The following ITCH variants were observed in gnomAD, a reference collection of about 807,000 sequenced individuals.
The protein encoded by ITCH is E3 ubiquitin-protein ligase Itchy homolog.
Under a neutral mutation model 126.8 loss-of-function variants are expected in ITCH, and 28 were observed. The ratio of observed to expected loss-of-function variants is 0.22; its 90% CI spans 0.16 to 0.30. The LOEUF (loss-of-function observed/expected upper bound fraction) is 0.30. ITCH is among the 10% of genes least tolerant of loss of function. The probability of loss-of-function intolerance (pLI) is 1.00; values close to 1 mark genes in which losing one functional copy is unlikely to be tolerated. For synonymous variants in ITCH, 342 were observed against 340.0 expected (o/e 1.01, Z -0.06); for missense variants, 631 against 1,032.4 (o/e 0.61, Z 5.33).
chr20:34,437,255 A>G (rs1055346521), intron 7 of ITCH, among the ~76,000 whole-genome samples: 4 of 152,174 alleles, frequency 2.6e-5, no homozygotes, highest in South Asian at 2.1e-4. Flanking sequence ...AAAATAAATC[A>G]TTGCAATACA....
chr20:34,474,844 T>C (rs1368757479), intron 16 of ITCH, among the ~76,000 whole-genome samples: 1 of 149,888 alleles, frequency 6.7e-6, no homozygotes, highest in Non-Finnish European at 1.5e-5. Context: ...GTGGAGACGC[T>C]CCTCACTTCC....
Position 34,408,773 on chromosome 20 carries a change from T to C in ITCH, c.193T>C (p.Trp65Arg), listed in dbSNP as rs1384700874. The change falls in exon 4 of 25, where the codon TGG (tryptophan) becomes CGG (arginine). Residue 65 changes from tryptophan (W) to arginine (R), a missense_variant. Trp to Arg is a moderately radical substitution (Grantham distance 101). Around this residue, in one of 4 missense-constraint regions of ITCH, gnomAD observed 220 missense variants for 265.7 expected, o/e 0.83. Coordinates refer to ENST00000374864, the MANE Select transcript of ITCH (RefSeq NM_031483.7). ...EKCNNTNSPK[W>R]KQPLTVIVTP... Reference sequence around the variant, plus strand: ...ATGCAACAACACAAACAGTCCCAAGTGGAAGCAACCCCTTACAGTGTAAGC... The same window carrying C: ...ATGCAACAACACAAACAGTCCCAAGCGGAAGCAACCCCTTACAGTGTAAGC... 1.9e-6 allele frequency: 3 copies of C among 1,613,980 alleles called. No homozygotes were observed. Among genetic ancestry groups the C allele is most frequent in the African/African-American group, 1.3e-5 (1 of 74,932 alleles).
chr20:34,504,263 T>G, intron 23 of ITCH, 68 bp from the exon 24 acceptor site: 1 of 1,153,554 alleles, frequency 8.7e-7, no homozygotes, highest in Non-Finnish European at 1.3e-6. Flanking sequence ...CTGATGCTTG[T>G]TGGATTGGGG....
At chr20:34,406,150 A>G (rs138750351) in intron 3 of ITCH, among the ~76,000 whole-genome samples, 3 of 151,130 alleles carry the variant, frequency 2.0e-5, no homozygotes, top group African/African-American at 4.9e-5. Context: ...GCCTCCCCCC[A>G]GCAGCTGGGA....
chr20:34,444,560 C>T (rs2146302795), intron 10 of ITCH, among the ~76,000 whole-genome samples: 1 of 152,120 alleles, frequency 6.6e-6, no homozygotes, highest in Non-Finnish European at 1.5e-5. Flanking sequence ...TCCATCCAGT[C>T]TGGGCAACAA....
At chr20:34,455,175 A>T (rs1382641679) in intron 12 of ITCH, among the ~76,000 whole-genome samples, 2 of 152,212 alleles carry the variant, frequency 1.3e-5, no homozygotes, top group African/African-American at 2.4e-5. Context: ...AAAATTAGCC[A>T]TGTCAACATG....
chr20:34,476,390 C>T (rs935724273), intron 16 of ITCH: 7 of 1,258,896 alleles, frequency 5.6e-6, no homozygotes, highest in East Asian at 3.2e-5. Context: ...GCGCGGGACC[C>T]GGCGTGGTGC....
At chr20:34,369,077 C>T (rs1464376012) in intron 1 of ITCH, among the ~76,000 whole-genome samples, 1 of 152,152 alleles carries the variant, frequency 6.6e-6, no homozygotes, top group Non-Finnish European at 1.5e-5. Context: ...CGCCTGTAAT[C>T]CCAGCACTTT....
chr20:34,445,160 C>CA, intron 10 of ITCH, 127 bp from the exon 11 acceptor site: 2 of 1,055,088 alleles, frequency 1.9e-6, no homozygotes, highest in Non-Finnish European at 2.7e-6. Flanking sequence ...AGTTCACTTA[C>CA]AAACTATTTA....
chr20:34,458,698 C>G (rs1986247059), intron 13 of ITCH, among the ~76,000 whole-genome samples: 1 of 152,256 alleles, frequency 6.6e-6, no homozygotes, highest in Middle Eastern at 3.4e-3. Context: ...AGCTCCTTGG[C>G]TTGTGGCAGC....
At chr20:34,396,660 C>T (rs1233040287) in intron 3 of ITCH, among the ~76,000 whole-genome samples, 2 of 152,036 alleles carry the variant, frequency 1.3e-5, no homozygotes, top group African/African-American at 4.8e-5. Flanking sequence ...AGGCATGCAC[C>T]ACCCTACCCA....
At chr20:34,456,198 A>G (rs1236942583) in intron 12 of ITCH, among the ~76,000 whole-genome samples, 122 of 47,540 alleles carry the variant, frequency 2.6e-3, no homozygotes, top group African/African-American at 0.014. Context: ...ATATATATAT[A>G]TATATATATA....
chr20:34,489,991 T>C (rs576614357), intron 22 of ITCH, 65 bp downstream of exon 22: 15 of 1,172,934 alleles, frequency 1.3e-5, no homozygotes, highest in South Asian at 3.7e-5. Context: ...GCTTACCACA[T>C]ATGGAAATGA....
chr20:34,432,493 A>G (rs1982442641), intron 7 of ITCH, among the ~76,000 whole-genome samples: 1 of 152,214 alleles, frequency 6.6e-6, no homozygotes, highest in Non-Finnish European at 1.5e-5. Context: ...AATGACCTGT[A>G]ATTATATGAA....
chr20:34,457,317 T>A (rs1986100771), intron 12 of ITCH, 73 bp from the exon 13 acceptor site: 1 of 992,508 alleles, frequency 1.0e-6, no homozygotes, highest in African/African-American at 1.6e-5. Flanking sequence ...TCAAATAATT[T>A]TATTTTACCT....
intron 12 of ITCH, chr20:34,454,424 A>G (rs1036492254): frequency 1.3e-5 from 2 of 152,196 alleles, no homozygotes; most frequent in African/African-American, 4.8e-5. Context: ...GGTGTGAGCC[A>G]CCGCGCCCGG....
intron 20 of ITCH, among the ~76,000 whole-genome samples, chr20:34,483,660 G>A (rs769735278): frequency 1.3e-5 from 2 of 152,128 alleles, no homozygotes; most frequent in African/African-American, 4.8e-5. Context: ...AAGTCTATAG[G>A]AAGTTCCAAA....
intron 14 of ITCH, 39 bp from the exon 15 acceptor site, chr20:34,470,009 G>C: frequency 1.3e-6 from 2 of 1,507,740 alleles, no homozygotes; most frequent in Non-Finnish European, 1.8e-6. Context: ...TCTTTTACAA[G>C]CAGCTATATA....
chr20:34,424,827 T>C (rs1269678976), intron 7 of ITCH, among the ~76,000 whole-genome samples: 1 of 152,138 alleles, frequency 6.6e-6, no homozygotes, highest in East Asian at 1.9e-4. Flanking sequence ...GGCTGTTAAG[T>C]TTCTTTTCCA....
Sources: allele counts gnomAD v4.1 joint callset (sites outside exome capture counted in the v4.1 genomes callset), GRCh38; gene constraint gnomAD v4.1.1; regional missense constraint gnomAD v4.1.1; transcripts MANE v1.5; gene names NCBI Gene and HGNC (gene_info 2026-07-23, HGNC 2026-07-21).